The following NEMP2 variants were observed in gnomAD, a reference collection of about 807,000 sequenced individuals.
NEMP2 encodes the protein UPF0571 transmembrane protein.
Under a neutral mutation model 54.2 loss-of-function variants are expected in NEMP2, and 53 were observed. The observed-to-expected ratio is 0.98, with a 90% CI of 0.78 to 1.23. The LOEUF (loss-of-function observed/expected upper bound fraction) is 1.23. Ranked by LOEUF, NEMP2 falls within the 50% of genes most tolerant of loss-of-function variation. The pLI is 0.00. For synonymous variants in NEMP2, 197 were observed against 190.3 expected, an observed-to-expected ratio of 1.04 and a Z score of -0.29; for missense variants, 455 against 511.3, an observed-to-expected ratio of 0.89 and a Z score of 1.06.
At chr2:190,451,221 G>A in the NEMP2 span, among the ~76,000 whole-genome samples, 1 of 152,160 alleles carries the variant, frequency 6.6e-6, no homozygotes, top group South Asian at 2.1e-4. This position sits in a 1 kb window ranked among gnomAD's most constrained non-coding sequence, Gnocchi z 5.0. Context: ...GTCTAACATT[G>A]GATAAGTCAG....
At chr2:190,571,163 A>G in the NEMP2 span, among the ~76,000 whole-genome samples, 3 of 152,230 alleles carry the variant, frequency 2.0e-5, no homozygotes, top group African/African-American at 7.2e-5. Flanking sequence ...ATCTAATAGA[A>G]TTTTGGAGGA....
At chr2:190,593,330 T>C in the NEMP2 span, among the ~76,000 whole-genome samples, 7 of 152,312 alleles carry the variant, frequency 4.6e-5, no homozygotes, top group South Asian at 4.1e-4. This position sits in a 1 kb window ranked among gnomAD's most constrained non-coding sequence, Gnocchi z 4.5. Context: ...TATCATGTGA[T>C]ACAGATTGAA....
chr2:190,517,007 C>T (rs1251174105), intron 5 of NEMP2, among the ~76,000 whole-genome samples: 2 of 149,064 alleles, frequency 1.3e-5, no homozygotes, highest in African/African-American at 5.0e-5. Context: ...GGGAGGATCA[C>T]TTGAACCCAG....
the NEMP2 span, among the ~76,000 whole-genome samples, chr2:190,450,658 A>G: frequency 2.0e-5 from 3 of 151,550 alleles, no homozygotes; most frequent in African/African-American, 7.3e-5. Context: ...ATGCCCAGCT[A>G]AGTTTTGTAT....
chr2:190,460,770 G>A, the NEMP2 span, among the ~76,000 whole-genome samples: 1 of 152,232 alleles, frequency 6.6e-6, no homozygotes, highest in South Asian at 2.1e-4. Context: ...GACAGGTGGG[G>A]ATGGTGGCCG....
intron 1 of NEMP2, 194 bp downstream of exon 1, chr2:190,534,365 G>C (rs1388775550): frequency 8.3e-7 from 1 of 1,205,396 alleles, no homozygotes; most frequent in African/African-American, 1.6e-5. Context: ...ACTGCCAGGC[G>C]AGAGACTACG....
At chr2:190,632,160 G>A in the NEMP2 span, among the ~76,000 whole-genome samples, 1 of 152,204 alleles carries the variant, frequency 6.6e-6, no homozygotes, top group East Asian at 1.9e-4. This position sits in a 1 kb window ranked among gnomAD's most constrained non-coding sequence, Gnocchi z 4.8. Flanking sequence ...AGGTCTAGAG[G>A]GAAGTGGGAA....
At chr2:190,568,652 G>A in the NEMP2 span, among the ~76,000 whole-genome samples, 2 of 151,982 alleles carry the variant, frequency 1.3e-5, no homozygotes, top group African/African-American at 4.8e-5. The surrounding 1 kb of genome is among the most constrained non-coding windows in gnomAD (Gnocchi z 4.7). Context: ...GAGAAACCCC[G>A]TCTCTACTAA....
At chr2:190,497,820 A>AATG in the NEMP2 span, 1 of 1,370,636 alleles carries the variant, frequency 7.3e-7, no homozygotes, top group Non-Finnish European at 1.0e-6. The surrounding 1 kb of genome is among the most constrained non-coding windows in gnomAD (Gnocchi z 5.2). Flanking sequence ...AGATTTATTG[A>AATG]AAGTCTGGTG....
At chr2:190,477,369 A>C in the NEMP2 span, 2 of 982,994 alleles carry the variant, frequency 2.0e-6, no homozygotes, top group Non-Finnish European at 2.4e-6. Flanking sequence ...AGACTCTATA[A>C]ATAAAGATTT....
the NEMP2 span, among the ~76,000 whole-genome samples, chr2:190,495,527 C>A: frequency 6.6e-6 from 1 of 152,060 alleles, no homozygotes; most frequent in South Asian, 2.1e-4. The surrounding 1 kb of genome is among the most constrained non-coding windows in gnomAD (Gnocchi z 4.7). Flanking sequence ...CAAAAAAGAG[C>A]CTGCATAGCC....
chr2:190,616,740 T>C, the NEMP2 span: 2 of 152,164 alleles, frequency 1.3e-5, no homozygotes, highest in Admixed American at 1.3e-4. The surrounding 1 kb of genome is among the most constrained non-coding windows in gnomAD (Gnocchi z 5.1). Context: ...CTCATAAAAA[T>C]TTCTCTTTAA....
In NEMP2 at chr2:190,505,288, G is replaced by A. The variant is rs997291299; in HGVS notation, c.*3901C>T. ...TCTGATTCTACCACTTTAGCTATAT[G>A]TGTCCTTCAGCAACTTTCTCCTACC... On this transcript the variant is annotated 3_prime_UTR_variant, in exon 9 of 9. Transcript: ENST00000409150. This position sits in a 1 kb window ranked among gnomAD's most constrained non-coding sequence, Gnocchi z 5.8. 5 of 152,180 alleles carry A rather than the reference G, an allele frequency of 3.3e-5. No individual in the cohort carries two copies. The highest frequency in any genetic ancestry group is 4.8e-5 in the African/African-American group (2 of 41,440). The allele number at this position is 152,180 out of a possible 1,614,324, so 9.4% of individuals were successfully genotyped here.
At chr2:190,430,829 C>A in the NEMP2 span, among the ~76,000 whole-genome samples, 1 of 144,856 alleles carries the variant, frequency 6.9e-6, no homozygotes, top group Non-Finnish European at 1.5e-5. Flanking sequence ...GACGGGGCGG[C>A]CGGCCGGGCG....
At position 190,513,564 on chromosome 2, in the gene NEMP2, G is replaced by A. The variant is rs1690445969; in HGVS notation, c.953+889C>T. 6.6e-6 allele frequency among the ~76,000 whole-genome samples: 1 copy of A among 152,224 alleles called. No homozygotes were observed. Among genetic ancestry groups the A allele is most frequent in the South Asian group, 2.1e-4 (1 of 4,826 alleles). On this transcript the variant is annotated intron_variant, in intron 7 of 8. Transcript: ENST00000409150. This position sits in a 1 kb window ranked among gnomAD's most constrained non-coding sequence, Gnocchi z 5.3. ...CATGGTTAAACCCCACTGTGTACAG[G>A]ACTGGACTAGATTGCTTAGCATGGC...
chr2:190,534,645 C>T lies in NEMP2; in HGVS notation c.11G>A (p.Arg4His), dbSNP rs1397432487. Residue 4 changes from arginine (R) to histidine (H), a missense_variant, in exon 1 of 9, where the codon CGC (arginine) becomes CAC (histidine). This residue lies in a region of NEMP2 where 100 missense variants were observed against 80.2 expected (regional missense o/e 1.25). Coordinates refer to ENST00000409150, the MANE Select transcript of NEMP2 (RefSeq NM_001142645.2). MGP[R>H]QGRWWLLLWL... Reference sequence around the variant, plus strand: ...GAGCAGCAGCCACCACCGCCCTTGGCGCGGCCCCATTTCGTTAGGGGTCAG... The same window carrying T: ...GAGCAGCAGCCACCACCGCCCTTGGTGCGGCCCCATTTCGTTAGGGGTCAG... 2 of 1,332,054 alleles carry T rather than the reference C, an allele frequency of 1.5e-6. No homozygotes were observed. Among genetic ancestry groups the T allele is most frequent in the Admixed American group, 4.0e-5 (1 of 25,244 alleles). 82.5% of individuals were successfully genotyped at this position (1,332,054 alleles called of 1,614,324 possible).
chr2:190,498,034 T>C, the NEMP2 span: 1 of 216,452 alleles, frequency 4.6e-6, no homozygotes, highest in Non-Finnish European at 9.3e-6. This position sits in a 1 kb window ranked among gnomAD's most constrained non-coding sequence, Gnocchi z 5.9. Context: ...GTATTGATGG[T>C]TGTCTCTGTA....
At chr2:190,549,063 A>T in the NEMP2 span, among the ~76,000 whole-genome samples, 127 of 151,852 alleles carry the variant, frequency 8.4e-4, 2 homozygotes, top group East Asian at 0.016. Flanking sequence ...TTTCCTTATG[A>T]TATATCTATT....
rs1424854414 is a variant in NEMP2 at position 190,529,300 on chromosome 2, G to A, written c.98-3922C>T. Among the ~76,000 whole-genome samples the A allele has an allele frequency of 6.6e-6, 1 of 152,090 alleles. No individual in the cohort carries two copies. On this transcript the variant is annotated intron_variant, in intron 1 of 8. Transcript: ENST00000409150. This position sits in a 1 kb window ranked among gnomAD's most constrained non-coding sequence, Gnocchi z 4.7. ...ATCCCCCTCCCTTCCAGGGACCTGA[G>A]TGCCTCTATGACCTTCCCTCCTCCA...
Sources: allele counts gnomAD v4.1 joint callset (sites outside exome capture counted in the v4.1 genomes callset), GRCh38; gene constraint gnomAD v4.1.1; regional missense constraint gnomAD v4.1.1; non-coding constraint Gnocchi (gnomAD v3.1); transcripts MANE v1.5; gene names NCBI Gene and HGNC (gene_info 2026-07-23, HGNC 2026-07-21).